ACOX3: variants seen among roughly 807,000 people sequenced by gnomAD.
ACOX3 encodes the protein acyl-CoA oxidase 3, pristanoyl.
Under a neutral mutation model 81.5 loss-of-function variants are expected in ACOX3, and 73 were observed. That is an observed-to-expected ratio of 0.90 (90% CI 0.74 to 1.09). The LOEUF (loss-of-function observed/expected upper bound fraction) is 1.09. Ranked by LOEUF, ACOX3 falls within the 50% of genes least tolerant of loss-of-function variation. The probability of loss-of-function intolerance (pLI) is 0.00; values close to 1 mark genes in which losing one functional copy is unlikely to be tolerated. For missense variants in ACOX3, 947 were observed against 928.0 expected, an observed-to-expected ratio of 1.02 and a Z score of -0.27; for synonymous variants, 387 against 375.1, an observed-to-expected ratio of 1.03 and a Z score of -0.37.
In ACOX3 at chr4:8,399,122, C is replaced by T. The variant is rs1720048741; in HGVS notation, c.873+434G>A. ...ATTCCTGAGGGTCATCAGCTATGAC[C>T]TGGGCCATCGCTCCCCAGGACCACG... On this transcript the variant is annotated intron_variant, in intron 8 of 17. Coordinates refer to ENST00000356406, the MANE Select transcript of ACOX3 (RefSeq NM_003501.3). The surrounding 1 kb of genome is among the most constrained non-coding windows in gnomAD (Gnocchi z 4.9). Among the ~76,000 whole-genome samples the T allele has an allele frequency of 6.6e-6, 1 of 152,214 alleles. No homozygotes were observed. The highest frequency in any genetic ancestry group is 1.5e-5 in the Non-Finnish European group (1 of 68,034).
downstream of ACOX3, among the ~76,000 whole-genome samples, chr4:8,362,571 G>A (rs1020013877): frequency 6.6e-6 from 1 of 152,232 alleles, no homozygotes; most frequent in African/African-American, 2.4e-5. Flanking sequence ...GGCTTTAACT[G>A]GAATGGGATG....
At chr4:8,362,982 G>A (rs1715266079), downstream of ACOX3, among the ~76,000 whole-genome samples, 1 of 152,140 alleles carries the variant, frequency 6.6e-6, no homozygotes, top group Non-Finnish European at 1.5e-5. Flanking sequence ...ATGGAAAATG[G>A]GAAACTAGAG....
chr4:8,397,759 G>T (rs976031370), intron 8 of ACOX3, among the ~76,000 whole-genome samples: 1 of 152,204 alleles, frequency 6.6e-6, no homozygotes, highest in Non-Finnish European at 1.5e-5. Flanking sequence ...TGCCCCATCG[G>T]GCCACTCCTC....
At chr4:8,375,561 C>G (rs1349865105) in intron 14 of ACOX3, among the ~76,000 whole-genome samples, 1 of 152,310 alleles carries the variant, frequency 6.6e-6, no homozygotes, top group South Asian at 2.1e-4. Context: ...CACAGAGGAG[C>G]TGGAGAAGGG....
chr4:8,365,416 A>G (rs940933704), downstream of ACOX3, among the ~76,000 whole-genome samples: 31 of 152,210 alleles, frequency 2.0e-4, no homozygotes, highest in Non-Finnish European at 1.5e-4. Flanking sequence ...TCAGGTGGGG[A>G]TGCTCCTGGG....
intron 9 of ACOX3, among the ~76,000 whole-genome samples, chr4:8,395,673 G>A (rs1719612909): frequency 6.6e-6 from 1 of 152,250 alleles, no homozygotes; most frequent in African/African-American, 2.4e-5. Context: ...GACCTTGGTG[G>A]TAAGGCCAGG....
At chr4:8,380,284 G>T (rs2108819443) in intron 14 of ACOX3, among the ~76,000 whole-genome samples, 1 of 149,998 alleles carries the variant, frequency 6.7e-6, no homozygotes, top group African/African-American at 2.5e-5. Context: ...CCACCTTCCA[G>T]GTTCAAGCGA....
chr4:8,399,583 G>A lies in ACOX3; in HGVS notation c.846C>T (p.Pro282=), dbSNP rs765251206. The change falls in exon 8 of 18, where the codon CCC becomes CCT. Residue 282 remains proline, a synonymous_variant. Coordinates refer to ENST00000356406, the MANE Select transcript of ACOX3 (RefSeq NM_003501.3). The surrounding 1 kb of genome is among the most constrained non-coding windows in gnomAD (Gnocchi z 4.9). ...SLLNRMGDVT[P]EGTYVSPFKD... is the part of the protein sequence containing the mutation. ...TAAAGGGGCTGACATAGGTGCCCTCGGGGGTGACGTCTCCCATCCGGTTCA... is the reference window on the plus strand; with the variant it reads ...TAAAGGGGCTGACATAGGTGCCCTCAGGGGTGACGTCTCCCATCCGGTTCA... 8 of 1,614,080 alleles carry A rather than the reference G, an allele frequency of 5.0e-6. No homozygotes were observed. Among genetic ancestry groups the A allele is most frequent in the Non-Finnish European group, 5.9e-6 (7 of 1,179,960 alleles).
In ACOX3 at chr4:8,423,386, A is replaced by G. The variant is rs34935132; in HGVS notation, c.-14-6851T>C. ...CCTGAAGTCTGGGCAACAGAAGGAC[A>G]ATATGGATGAGGGAAGAATGCCCGT... On this transcript the variant is annotated intron_variant, in intron 1 of 17. Coordinates refer to ENST00000356406, the MANE Select transcript of ACOX3 (RefSeq NM_003501.3). The surrounding 1 kb of genome is among the most constrained non-coding windows in gnomAD (Gnocchi z 4.2). 0.088 allele frequency among the ~76,000 whole-genome samples: 13,428 copies of G among 152,158 alleles called. 685 individuals are homozygous for G. Among genetic ancestry groups the G allele is most frequent in the Non-Finnish European group, 0.12 (7,959 of 67,988 alleles).
chr4:8,423,272 T>C lies in ACOX3; in HGVS notation c.-14-6737A>G, dbSNP rs941605346. 2.0e-5 allele frequency among the ~76,000 whole-genome samples: 3 copies of C among 152,276 alleles called. No homozygotes were observed. Among genetic ancestry groups the C allele is most frequent in the East Asian group, 1.9e-4 (1 of 5,174 alleles). On this transcript the variant is annotated intron_variant, in intron 1 of 17. Transcript: ENST00000356406. This position sits in a 1 kb window ranked among gnomAD's most constrained non-coding sequence, Gnocchi z 4.2. ...AACCCCCACACCCTTGTTAGGGAGA[T>C]ACATTCTAGCAAAAGCAGGGGCCAT... is the stretch of plus-strand genomic sequence containing the variant.
At chr4:8,376,437 A>C (rs546433295) in intron 14 of ACOX3, among the ~76,000 whole-genome samples, 2 of 152,080 alleles carry the variant, frequency 1.3e-5, no homozygotes, top group Non-Finnish European at 2.9e-5. Flanking sequence ...CTGGCCTATG[A>C]CGCTGCTATG....
chr4:8,368,841 C>G lies in ACOX3; in HGVS notation c.1984-1761G>C, dbSNP rs1715797533. Among the ~76,000 whole-genome samples the G allele has an allele frequency of 6.6e-6, 1 of 151,754 alleles. No homozygotes were observed. Among genetic ancestry groups the G allele is most frequent in the Non-Finnish European group, 1.5e-5 (1 of 67,982 alleles). On this transcript the variant is annotated intron_variant, in intron 17 of 17. Coordinates refer to ENST00000356406, the MANE Select transcript of ACOX3 (RefSeq NM_003501.3). The surrounding 1 kb of genome is among the most constrained non-coding windows in gnomAD (Gnocchi z 5.9). ...CCTCCCCAAGCTCAGGGGATCCTCT[C>G]ACCTCAGTTTTTGTAATTTTTATGG...
rs375984902 is a variant in ACOX3 at position 8,382,523 on chromosome 4, C to T, written c.1538-916G>A. Among the ~76,000 whole-genome samples, 18 of 152,332 alleles carry T rather than the reference C, an allele frequency of 1.2e-4. No individual in the cohort carries two copies. The East Asian group carries it at 2.9e-3, about 25-fold the overall frequency. ...CCCTGCCCAGGCACAGAGGGCCTGGCGCCCAGACACGAGGCACCTCCAGGC... is the reference window on the plus strand; with the variant it reads ...CCCTGCCCAGGCACAGAGGGCCTGGTGCCCAGACACGAGGCACCTCCAGGC... On this transcript the variant is annotated intron_variant, in intron 13 of 17. Transcript: ENST00000356406. The surrounding 1 kb of genome is among the most constrained non-coding windows in gnomAD (Gnocchi z 4.1).
chr4:8,426,501 G>GCC (rs549905161), intron 1 of ACOX3, among the ~76,000 whole-genome samples: 1 of 147,592 alleles, frequency 6.8e-6, no homozygotes, highest in Non-Finnish European at 1.5e-5. Flanking sequence ...GAGCTCCATG[G>GCC]CCCCCCCCGT....
rs1332284048 is a variant in ACOX3 at position 8,366,941 on chromosome 4, C to T, written c.*20G>A. ...GTTCCCTTCGTTTCATTAGACTTGG[C>T]TGAATGTGTGCCAGTCCCACTAGAG... On this transcript the variant is annotated 3_prime_UTR_variant, in exon 18 of 18. Transcript: ENST00000356406. 1.9e-6 allele frequency: 3 copies of T among 1,612,732 alleles called. No homozygotes were observed. The highest frequency in any genetic ancestry group is 2.5e-6 in the Non-Finnish European group (3 of 1,179,250).
chr4:8,391,471 T>C (rs1718993611), intron 11 of ACOX3, among the ~76,000 whole-genome samples: 1 of 152,266 alleles, frequency 6.6e-6, no homozygotes, highest in Non-Finnish European at 1.5e-5. Flanking sequence ...GTTTTGAGTG[T>C]GTACATGGCC....
chr4:8,439,490 C>A (rs925540470), intron 1 of ACOX3, among the ~76,000 whole-genome samples: 9 of 152,320 alleles, frequency 5.9e-5, no homozygotes, highest in Non-Finnish European at 1.0e-4. Context: ...TTTAATGCCT[C>A]AAGATTACTT....
intron 13 of ACOX3, among the ~76,000 whole-genome samples, chr4:8,387,111 G>A (rs1204228946): frequency 6.6e-6 from 1 of 152,264 alleles, no homozygotes; most frequent in East Asian, 1.9e-4. Flanking sequence ...CCAGTTGAAC[G>A]TGTGGCACCT....
rs1723512975 is a variant in ACOX3 at position 8,426,606 on chromosome 4, C to A, written c.-14-10071G>T. Among the ~76,000 whole-genome samples the A allele has an allele frequency of 2.0e-5, 3 of 150,580 alleles. No individual in the cohort carries two copies. The South Asian group carries it at 6.3e-4, about 32-fold the overall frequency. On this transcript the variant is annotated intron_variant, in intron 1 of 17. Transcript: ENST00000356406. ...TACCAGTAGCTCCCCTTACCAAGAGCTTCTATGGAGAATGCGGCTTCCCAG... is the reference window on the plus strand; with the variant it reads ...TACCAGTAGCTCCCCTTACCAAGAGATTCTATGGAGAATGCGGCTTCCCAG...
Sources: allele counts gnomAD v4.1 joint callset (sites outside exome capture counted in the v4.1 genomes callset), GRCh38; gene constraint gnomAD v4.1.1; non-coding constraint Gnocchi (gnomAD v3.1); transcripts MANE v1.5; gene names NCBI Gene and HGNC (gene_info 2026-07-23, HGNC 2026-07-21).